The following EGFR variants were observed in gnomAD, a reference collection of about 807,000 sequenced individuals.
The protein encoded by EGFR is avian erythroblastic leukemia viral (v-erb-b) oncogene homolog.
Under a neutral mutation model 143.0 loss-of-function variants are expected in EGFR, and 58 were observed. The ratio of observed to expected loss-of-function variants is 0.41; its 90% CI spans 0.33 to 0.50. The LOEUF is 0.50. EGFR is among the 20% of genes least tolerant of loss of function. EGFR has a pLI of 0.39. For synonymous variants in EGFR, 613 were observed against 594.4 expected, an observed-to-expected ratio of 1.03 and a Z score of -0.45; for missense variants, 1,307 against 1,579.0, an observed-to-expected ratio of 0.83 and a Z score of 2.92.
chr7:55,058,709 G>A (rs1788985758), intron 1 of EGFR, among the ~76,000 whole-genome samples: 1 of 152,098 alleles, frequency 6.6e-6, no homozygotes, highest in African/African-American at 2.4e-5. Flanking sequence ...TGAAGGGAGA[G>A]AAGCAGAAAA....
Position 55,019,217 on chromosome 7 carries a change from G to A in EGFR, c.-61G>A. On this transcript the variant is annotated 5_prime_UTR_variant, in exon 1 of 28. Transcript: ENST00000275493. Reference sequence around the variant, plus strand: ...GCCAACGCCACAACCACCGCGCACGGCCCCCTGACTCCGTCCAGTATTGAT... The same window carrying A: ...GCCAACGCCACAACCACCGCGCACGACCCCCTGACTCCGTCCAGTATTGAT... 3 of 1,319,208 alleles carry A rather than the reference G, an allele frequency of 2.3e-6. No homozygotes were observed. Among genetic ancestry groups the A allele is most frequent in the South Asian group, 1.4e-5 (1 of 73,366 alleles). 81.7% of individuals were successfully genotyped at this position (1,319,208 alleles called of 1,614,324 possible).
At chr7:55,193,053 A>G (rs573128175) in intron 22 of EGFR, among the ~76,000 whole-genome samples, 2 of 152,192 alleles carry the variant, frequency 1.3e-5, no homozygotes, top group Admixed American at 1.3e-4. Context: ...TGGAGATTGC[A>G]ATGAGCTCGT....
At chr7:55,079,067 A>T (rs1264442118) in intron 1 of EGFR, among the ~76,000 whole-genome samples, 2 of 152,262 alleles carry the variant, frequency 1.3e-5, no homozygotes, top group African/African-American at 4.8e-5. Flanking sequence ...GGCAGGCAGC[A>T]GGGACAGCCT....
In EGFR at chr7:55,191,651, C is replaced by T. The variant is rs530416576; in HGVS notation, c.2470-68C>T. On this transcript the variant is annotated intron_variant, in intron 20 of 27. Transcript: ENST00000275493. ...CTCAGAGCCTGGCATGAACATGACC[C>T]TGAATTCGGATGCAGAGCTTCTTCC... is the stretch of plus-strand genomic sequence containing the variant. 6 of 1,605,820 alleles carry T rather than the reference C, an allele frequency of 3.7e-6. No individual in the cohort carries two copies. The African/African-American group carries it at 4.0e-5, about 11-fold the overall frequency.
intron 15 of EGFR, 152 bp from the exon 16 acceptor site, chr7:55,171,023 T>C (rs1014716308): frequency 6.6e-5 from 98 of 1,491,010 alleles, no homozygotes; most frequent in Non-Finnish European, 8.3e-5. Flanking sequence ...AATAAATAAT[T>C]AACCACCAAT....
intron 12 of EGFR, among the ~76,000 whole-genome samples, 153 bp downstream of exon 12, chr7:55,160,491 C>G (rs942677165): frequency 6.6e-6 from 1 of 152,208 alleles, no homozygotes; most frequent in Non-Finnish European, 1.5e-5. Context: ...TGTGAAATTA[C>G]CATGTGAATT....
chr7:55,183,318 C>T (rs1786979621), intron 20 of EGFR, among the ~76,000 whole-genome samples: 1 of 152,136 alleles, frequency 6.6e-6, no homozygotes, highest in African/African-American at 2.4e-5. Context: ...TTGATTTGAT[C>T]ACTCCGCTAT....
rs192902179 is a variant in EGFR at position 55,125,333 on chromosome 7, A to G, written c.89-16953A>G. On this transcript the variant is annotated intron_variant, in intron 1 of 27. Transcript: ENST00000275493. The stretch of plus-strand genomic sequence containing the variant: ...AAGTTGAGTATGCAACATTGAAACC[A>G]CATGCTTTAAAAAATTATAAGAAAA... Among the ~76,000 whole-genome samples, 4 of 152,372 alleles carry G rather than the reference A, an allele frequency of 2.6e-5. No individual in the cohort carries two copies. The East Asian group carries it at 7.7e-4, about 29-fold the overall frequency.
At chr7:55,056,746 C>T (rs1401369040) in intron 1 of EGFR, among the ~76,000 whole-genome samples, 1 of 152,158 alleles carries the variant, frequency 6.6e-6, no homozygotes, top group Non-Finnish European at 1.5e-5. Flanking sequence ...ACGCCAGTTG[C>T]GTAAGTGTGA....
intron 1 of EGFR, among the ~76,000 whole-genome samples, chr7:55,112,159 G>GCTTA (rs1484278642): frequency 3.3e-5 from 5 of 152,342 alleles, no homozygotes; most frequent in African/African-American, 1.2e-4. Context: ...CCGATACCCA[G>GCTTA]CTTAGACAGC....
At chr7:55,138,369 GTATAGACT>G (rs1337614203) in intron 1 of EGFR, among the ~76,000 whole-genome samples, 1 of 152,128 alleles carries the variant, frequency 6.6e-6, no homozygotes, top group Non-Finnish European at 1.5e-5. Flanking sequence ...GTTTTCAAAT[GTATAGACT>G]TAAAGTAATA....
chr7:55,106,541 T>C (rs1035472142), intron 1 of EGFR, among the ~76,000 whole-genome samples: 9 of 152,232 alleles, frequency 5.9e-5, no homozygotes, highest in African/African-American at 1.9e-4. Context: ...TTCAGTTCTG[T>C]TTCCTTTACA....
chr7:55,034,094 T>A (rs1787420177), intron 1 of EGFR, among the ~76,000 whole-genome samples: 2 of 152,138 alleles, frequency 1.3e-5, no homozygotes, highest in South Asian at 4.2e-4. Context: ...GTTCCCCAGG[T>A]GCCTGGACCA....
chr7:55,189,448 A>G (rs1451520634), intron 20 of EGFR, among the ~76,000 whole-genome samples: 4 of 150,242 alleles, frequency 2.7e-5, no homozygotes, highest in Non-Finnish European at 4.4e-5. Context: ...TCAGTTGTTC[A>G]TTCTTCAACA....
chr7:55,099,458 G>C (rs1232870266), intron 1 of EGFR, among the ~76,000 whole-genome samples: 1 of 152,242 alleles, frequency 6.6e-6, no homozygotes, highest in Non-Finnish European at 1.5e-5. Flanking sequence ...CAATGTCCTT[G>C]TCTATGAAAA....
chr7:55,048,104 A>T (rs951307352), intron 1 of EGFR, among the ~76,000 whole-genome samples: 16 of 152,222 alleles, frequency 1.1e-4, no homozygotes, highest in Admixed American at 3.3e-4. Flanking sequence ...TAAATAACTA[A>T]TCATTTATTA....
At chr7:55,126,232 C>G (rs1793515410) in intron 1 of EGFR, among the ~76,000 whole-genome samples, 1 of 152,214 alleles carries the variant, frequency 6.6e-6, no homozygotes, top group Admixed American at 6.5e-5. Flanking sequence ...TCTGTCTCCC[C>G]ACTGGATGGT....
intron 1 of EGFR, among the ~76,000 whole-genome samples, chr7:55,116,485 A>G (rs1792852205): frequency 6.6e-6 from 1 of 152,224 alleles, no homozygotes; most frequent in African/African-American, 2.4e-5. Flanking sequence ...GCAGCCTTCT[A>G]GAAATGTTTC....
chr7:55,044,237 C>T (rs1788063159), intron 1 of EGFR, among the ~76,000 whole-genome samples: 1 of 152,216 alleles, frequency 6.6e-6, no homozygotes, highest in Admixed American at 6.5e-5. Flanking sequence ...TCTAACCCAG[C>T]TTTGTCATGG....
Sources: gnomAD v4.1 joint callset for allele counts (sites outside exome capture counted in the v4.1 genomes callset) on GRCh38, gnomAD v4.1.1 for gene constraint, MANE v1.5 for transcripts, NCBI Gene and HGNC (gene_info 2026-07-23, HGNC 2026-07-21) for gene names.